Variants in SHLD1 observed in about 807,000 individuals in gnomAD.
SHLD1 encodes the protein RINN1-REV7-interacting novel NHEJ regulator 3.
A neutral mutation model predicts 5.5 loss-of-function variants in SHLD1; 3 were observed. The ratio of observed to expected loss-of-function variants is 0.54; its 90% confidence interval spans 0.25 to 1.40. The LOEUF (loss-of-function observed/expected upper bound fraction) is 1.40, where lower values mean the gene tolerates loss of function less well. SHLD1 is among the 40% of genes most tolerant of loss of function. The pLI, the probability that SHLD1 is intolerant of heterozygous loss-of-function variation, is 0.15. For missense variants in SHLD1, 210 were observed against 244.4 expected (o/e 0.86, Z 0.94); for synonymous variants, 92 against 94.3 (o/e 0.98, Z 0.14).
At chr20:5,862,354 C>T (rs1469947329) in intron 2 of SHLD1, among the ~76,000 whole-genome samples, 1 of 152,246 alleles carries the variant, frequency 6.6e-6, no homozygotes, top group Non-Finnish European at 1.5e-5. Context: ...GAGCCAAGGC[C>T]ATGGTGCCCA....
At chr20:5,760,744 G>C (rs530834123) in intron 1 of SHLD1, among the ~76,000 whole-genome samples, 1 of 152,068 alleles carries the variant, frequency 6.6e-6, no homozygotes, top group Admixed American at 6.6e-5. Context: ...AGGAAGGTGT[G>C]TGAGTGTTGG....
intron 2 of SHLD1, among the ~76,000 whole-genome samples, chr20:5,833,034 G>A (rs180793563): frequency 1.3e-5 from 2 of 151,560 alleles, no homozygotes; most frequent in Non-Finnish European, 2.9e-5. Context: ...CATGGCTGAC[G>A]TGTCCTCCTT....
chr20:5,776,882 A>G (rs895196176), intron 2 of SHLD1, among the ~76,000 whole-genome samples: 1 of 152,126 alleles, frequency 6.6e-6, no homozygotes, highest in Non-Finnish European at 1.5e-5. Context: ...TCCACACTGC[A>G]GTGTTTTAGG....
chr20:5,776,536 GT>G (rs1985436239), intron 2 of SHLD1, among the ~76,000 whole-genome samples: 4 of 152,108 alleles, frequency 2.6e-5, no homozygotes, highest in Admixed American at 2.6e-4. Flanking sequence ...GCCGAGGCGG[GT>G]GCATCGCCTG....
chr20:5,798,657 G>A (rs1777368), intron 2 of SHLD1, among the ~76,000 whole-genome samples: 125,954 of 146,810 alleles, frequency 0.86, 53,973 homozygotes, highest in East Asian at 1. Flanking sequence ...TTACTCTGTC[G>A]CCCAGGCTGG....
intron 2 of SHLD1, among the ~76,000 whole-genome samples, chr20:5,792,822 C>T (rs753212695): frequency 3.3e-5 from 5 of 151,382 alleles, no homozygotes; most frequent in African/African-American, 9.7e-5. Flanking sequence ...TACAGGCGTG[C>T]GCCAATATGC....
chr20:5,772,242 A>G, intron 1 of SHLD1: 2 of 444,946 alleles, frequency 4.5e-6, no homozygotes, highest in Non-Finnish European at 9.0e-6. Flanking sequence ...ACTTGCTGGC[A>G]TCACTACTCT....
At chr20:5,770,847 A>C (rs780137908) in intron 1 of SHLD1, among the ~76,000 whole-genome samples, 3 of 152,196 alleles carry the variant, frequency 2.0e-5, no homozygotes, top group Non-Finnish European at 4.4e-5. Flanking sequence ...TGCAGGTAAA[A>C]ATACAACCTC....
At chr20:5,763,072 C>T (rs1230338723) in intron 1 of SHLD1, among the ~76,000 whole-genome samples, 5 of 151,604 alleles carry the variant, frequency 3.3e-5, no homozygotes, top group African/African-American at 1.2e-4. Context: ...TTTGGGAGGC[C>T]GAGGCAGGCG....
At chr20:5,776,732 C>T (rs1985446780) in intron 2 of SHLD1, among the ~76,000 whole-genome samples, 1 of 151,972 alleles carries the variant, frequency 6.6e-6, no homozygotes, top group Non-Finnish European at 1.5e-5. Flanking sequence ...CATTGCACTC[C>T]AGCCCCGGCA....
intron 2 of SHLD1, among the ~76,000 whole-genome samples, chr20:5,832,840 TAAATAAA>T (rs1412880756): frequency 1.4e-5 from 2 of 143,298 alleles, no homozygotes; most frequent in Non-Finnish European, 3.0e-5. Flanking sequence ...AATAAATAAA[TAAATAAA>T]TGGGGAAAAA....
At chr20:5,850,745 C>T (rs998192846) in intron 2 of SHLD1, among the ~76,000 whole-genome samples, 12 of 152,120 alleles carry the variant, frequency 7.9e-5, no homozygotes, top group Non-Finnish European at 1.8e-4. Context: ...CTCCTGACCT[C>T]GCGATCTTCT....
chr20:5,852,670 T>C (rs1265391269), intron 2 of SHLD1, among the ~76,000 whole-genome samples: 1 of 152,092 alleles, frequency 6.6e-6, no homozygotes, highest in Non-Finnish European at 1.5e-5. Flanking sequence ...GGCTGGTCTC[T>C]AACTCCTGAC....
rs769557884 is a variant in SHLD1, at chr20:5,833,501, G to T, written c.179-29523G>T. Among the ~76,000 whole-genome samples, 18 of 152,212 alleles carry T rather than the reference G, an allele frequency of 1.2e-4. No homozygotes were observed. The Middle Eastern group carries it at 0.01, about 86-fold the overall frequency. On this transcript the variant is annotated intron_variant, in intron 2 of 2. Coordinates refer to ENST00000303142, the MANE Select transcript of SHLD1 (RefSeq NM_152504.4). ...TTGTTTGTTCCGCTCTGCCCTGGTT[G>T]AGGGCAATGTGACATTTGCATTATC...
At chr20:5,789,770 G>T (rs926580991) in intron 2 of SHLD1, among the ~76,000 whole-genome samples, 12 of 152,236 alleles carry the variant, frequency 7.9e-5, no homozygotes, top group African/African-American at 2.6e-4. Context: ...GGGGCCCCAG[G>T]ACTGGAGGAA....
At chr20:5,789,454 G>T (rs1465631304) in intron 2 of SHLD1, among the ~76,000 whole-genome samples, 2 of 151,546 alleles carry the variant, frequency 1.3e-5, no homozygotes, top group African/African-American at 4.8e-5. Flanking sequence ...GTGGGCACCT[G>T]TAATCCCAGC....
At chr20:5,778,536 G>T (rs1306820622) in intron 2 of SHLD1, among the ~76,000 whole-genome samples, 1 of 151,514 alleles carries the variant, frequency 6.6e-6, no homozygotes, top group Non-Finnish European at 1.5e-5. Context: ...GAGCCTGGGA[G>T]GTGGAGGTTG....
chr20:5,843,921 AC>A (rs1282746906), intron 2 of SHLD1, among the ~76,000 whole-genome samples: 1 of 152,040 alleles, frequency 6.6e-6, no homozygotes, highest in Admixed American at 6.5e-5. Flanking sequence ...TGCATCCCAA[AC>A]CCATCTTTCT....
At chr20:5,793,448 G>T (rs1435440303) in intron 2 of SHLD1, among the ~76,000 whole-genome samples, 1 of 152,020 alleles carries the variant, frequency 6.6e-6, no homozygotes, top group East Asian at 1.9e-4. Flanking sequence ...TCACGTTGTG[G>T]GTTTTTTTTG....
Sources: gnomAD v4.1 joint callset for allele counts (sites outside exome capture counted in the v4.1 genomes callset) on GRCh38, gnomAD v4.1.1 for gene constraint, MANE v1.5 for transcripts, NCBI Gene and HGNC (gene_info 2026-07-23, HGNC 2026-07-21) for gene names.